Variants in HECTD4 observed in about 807,000 individuals in gnomAD.
The protein encoded by HECTD4 is HECT domain E3 ubiquitin protein ligase 4.
A neutral mutation model predicts 471.5 loss-of-function variants in HECTD4; 114 were observed. The observed-to-expected ratio is 0.24, with a 90% CI of 0.21 to 0.28. HECTD4 has a LOEUF of 0.28. Among genes scored for constraint, HECTD4 ranks in the 10% least tolerant of loss-of-function variants. The probability of loss-of-function intolerance (pLI) is 1.00; values close to 1 mark genes in which losing one functional copy is unlikely to be tolerated. For synonymous variants in HECTD4, 2,012 were observed against 2,256.0 expected, an observed-to-expected ratio of 0.89 and a Z score of 3.07; for missense variants, 3,866 against 5,651.5, an observed-to-expected ratio of 0.68 and a Z score of 10.13.
intron 34 of HECTD4, 66 bp from the exon 35 acceptor site, chr12:112,237,164 G>A (rs1230725783): frequency 2.8e-6 from 4 of 1,427,614 alleles, no homozygotes; most frequent in Non-Finnish European, 3.7e-6. Context: ...TGAGCCTGAG[G>A]GGGCGGCGAG....
Position 112,194,834 on chromosome 12 carries a change from C to T in HECTD4, c.8749+51G>A, listed in dbSNP as rs368707794. The T allele has an allele frequency of 2.1e-5, 32 of 1,512,862 alleles. No individual in the cohort carries two copies. Among genetic ancestry groups the T allele is most frequent in the African/African-American group, 1.4e-4 (10 of 72,670 alleles). The allele number at this position is 1,512,862 out of a possible 1,614,324, so 93.7% of individuals were successfully genotyped here. A position where few individuals can be genotyped will look rare whatever the true frequency, so the allele number is the denominator to read the frequency against. On this transcript the variant is annotated intron_variant, in intron 56 of 75. Coordinates refer to ENST00000682272, the MANE Select transcript of HECTD4 (RefSeq NM_001388303.1). The surrounding 1 kb of genome is among the most constrained non-coding windows in gnomAD (Gnocchi z 4.6). ...CAGGGAATGACTACACTGTGCACAG[C>T]GCCCGCCTGGTGCTAAGTTCCAGAG...
chr12:112,271,683 T>C (rs2034415969), intron 11 of HECTD4, among the ~76,000 whole-genome samples: 1 of 152,212 alleles, frequency 6.6e-6, no homozygotes. Flanking sequence ...GTTTGCTGCT[T>C]TCTTCTCCCA....
chr12:112,246,502 C>T (rs1294283014), intron 29 of HECTD4, among the ~76,000 whole-genome samples: 3 of 152,012 alleles, frequency 2.0e-5, no homozygotes, highest in Admixed American at 6.6e-5. Context: ...GGCATGGTGG[C>T]ATGCGCCTGT....
At chr12:112,349,388 C>CAACA (rs2036211857) in intron 1 of HECTD4, among the ~76,000 whole-genome samples, 1 of 54,718 alleles carries the variant, frequency 1.8e-5, no homozygotes, top group Admixed American at 2.3e-4. Context: ...ACTCTTGCTC[C>CAACA]AAAAAAAAAA....
At chr12:112,378,343 C>T (rs1245154339) in intron 1 of HECTD4, among the ~76,000 whole-genome samples, 5 of 151,982 alleles carry the variant, frequency 3.3e-5, no homozygotes, top group Non-Finnish European at 5.9e-5. Flanking sequence ...CTCAGCCTCC[C>T]GAGTAGCTGG....
chr12:112,282,106 A>G (rs942007565), intron 8 of HECTD4, among the ~76,000 whole-genome samples: 7 of 152,152 alleles, frequency 4.6e-5, no homozygotes, highest in African/African-American at 1.7e-4. Flanking sequence ...CAGAACAGCC[A>G]GGCGCGGTGG....
Position 112,313,017 on chromosome 12 carries a change from C to T in HECTD4, c.916G>A (p.Asp306Asn). ...CACAGGACAAAAACTTTTACATTACCTTTATTTTCAGAACTGGAGCCAGTG... is the reference window on the plus strand; with the variant it reads ...CACAGGACAAAAACTTTTACATTACTTTTATTTTCAGAACTGGAGCCAGTG... ...SNTGSSSENK[D>N]ADLGRCLTAD... The change falls in exon 4 of 76, where the codon GAT (aspartate) becomes AAT (asparagine). Residue 306 changes from aspartate to asparagine, a missense_variant and splice_region_variant. Asp to Asn is a conservative substitution (Grantham distance 23). This residue lies in a region of HECTD4 where 440 missense variants were observed against 636.0 expected (regional missense o/e 0.69). Transcript: ENST00000682272. 6 of 1,534,918 alleles carry T rather than the reference C, an allele frequency of 3.9e-6. No individual in the cohort carries two copies. Among genetic ancestry groups the T allele is most frequent in the Non-Finnish European group, 5.2e-6 (6 of 1,146,450 alleles).
chr12:112,368,137 G>T, intron 1 of HECTD4, among the ~76,000 whole-genome samples: 1 of 152,132 alleles, frequency 6.6e-6, no homozygotes, highest in East Asian at 1.9e-4. Context: ...ATCTAAAATT[G>T]CTACACACTG....
intron 54 of HECTD4, chr12:112,201,413 T>A (rs1018024352): frequency 6.4e-6 from 1 of 156,920 alleles, no homozygotes; most frequent in Non-Finnish European, 1.4e-5. Context: ...AGATTTTAAA[T>A]GAATTCTTAA....
chr12:112,288,871 C>G (rs1466211084), intron 7 of HECTD4, among the ~76,000 whole-genome samples: 1 of 152,146 alleles, frequency 6.6e-6, no homozygotes, highest in Non-Finnish European at 1.5e-5. Context: ...AGAAGAACCA[C>G]CCAGCTGAGC....
Position 112,162,650 on chromosome 12 carries a change from A to G in HECTD4, c.13121-127T>C. 1.8e-6 allele frequency: 2 copies of G among 1,139,914 alleles called. No individual in the cohort carries two copies. Among genetic ancestry groups the G allele is most frequent in the Non-Finnish European group, 2.5e-6 (2 of 798,020 alleles). The allele number at this position is 1,139,914 out of a possible 1,614,324, so 70.6% of individuals were successfully genotyped here. A position where few individuals can be genotyped will look rare whatever the true frequency, so the allele number is the denominator to read the frequency against. Reference sequence around the variant, plus strand: ...CCCCAAGCCAATCCTGGGGCCCAGCAGGAGGGGGATGAGGGCCTGGGAACC... The same window carrying G: ...CCCCAAGCCAATCCTGGGGCCCAGCGGGAGGGGGATGAGGGCCTGGGAACC... On this transcript the variant is annotated intron_variant, in intron 75 of 75. Coordinates refer to ENST00000682272, the MANE Select transcript of HECTD4 (RefSeq NM_001388303.1). This position sits in a 1 kb window ranked among gnomAD's most constrained non-coding sequence, Gnocchi z 5.2.
chr12:112,312,409 G>T, intron 4 of HECTD4, among the ~76,000 whole-genome samples: 1 of 152,176 alleles, frequency 6.6e-6, no homozygotes, highest in East Asian at 1.9e-4. Flanking sequence ...CAGGGCAGCA[G>T]CCTAGACATT....
In HECTD4 at chr12:112,270,412, C is replaced by A. The variant is rs762098805; in HGVS notation, c.1990G>T (p.Val664Phe). The change falls in exon 12 of 76, where the codon GTT becomes TTT. Residue 664 changes from valine (V) to phenylalanine (F), a missense_variant. Physicochemically the swap from Val to Phe is conservative, Grantham distance 50. Around this residue, in one of 16 missense-constraint regions of HECTD4, gnomAD observed 525 missense variants for 672.6 expected, o/e 0.78. Transcript: ENST00000682272. ...AGTTGGTGTATGCACATCGCACCAA[C>A]GTGGTGCAATAATTGGTTTATAACC... ...NEVINQLLHH[V>F]GAMCIHQLNL... 6.2e-7 allele frequency: 1 copy of A among 1,613,968 alleles called. No individual in the cohort carries two copies. Among genetic ancestry groups the A allele is most frequent in the Admixed American group, 1.7e-5 (1 of 60,022 alleles).
In HECTD4 at chr12:112,382,158, G is replaced by A; in HGVS notation, c.-30C>T. 1.6e-6 allele frequency: 2 copies of A among 1,216,020 alleles called. No individual in the cohort carries two copies. Among genetic ancestry groups the A allele is most frequent in the Non-Finnish European group, 2.0e-6 (2 of 978,752 alleles). The allele number at this position is 1,216,020 out of a possible 1,614,324, so 75.3% of individuals were successfully genotyped here. A position where few individuals can be genotyped will look rare whatever the true frequency, so the allele number is the denominator to read the frequency against. On this transcript the variant is annotated 5_prime_UTR_variant, in exon 1 of 76. Transcript: ENST00000682272. Reference sequence around the variant, plus strand: ...CCGGCTGAAGGCTTGGCGCTGAGGAGCAGACGCCCGGCCGGGGGAAACGGA... The same window carrying A: ...CCGGCTGAAGGCTTGGCGCTGAGGAACAGACGCCCGGCCGGGGGAAACGGA...
At chr12:112,289,835 C>T (rs2034838817) in intron 7 of HECTD4, among the ~76,000 whole-genome samples, 1 of 152,024 alleles carries the variant, frequency 6.6e-6, no homozygotes, top group African/African-American at 2.4e-5. Flanking sequence ...TACCACCACG[C>T]CCAGCTAATT....
At position 112,167,838 on chromosome 12, in the gene HECTD4, G is replaced by C; in HGVS notation, c.12288C>G (p.Pro4096=). ...CCTTGTTCTTATTGACAGCTGAGCT[G>C]GGGCACAGCAGCAGCAGCGACAGCG... The part of the protein sequence containing the change: ...SSSLSLLLLC[P]SSAVNKNKGK... Residue 4096 remains proline (P), a synonymous_variant, in exon 71 of 76, where the codon CCC becomes CCG. Coordinates refer to ENST00000682272, the MANE Select transcript of HECTD4 (RefSeq NM_001388303.1). The C allele has an allele frequency of 6.2e-7, 1 of 1,613,566 alleles. No individual in the cohort carries two copies. The highest frequency in any genetic ancestry group is 8.5e-7 in the Non-Finnish European group (1 of 1,179,692).
chr12:112,321,635 A>G (rs899244942), intron 1 of HECTD4: 1 of 152,182 alleles, frequency 6.6e-6, no homozygotes, highest in Non-Finnish European at 1.5e-5. Context: ...TTTATCTCAA[A>G]TTTTGCCTTT....
intron 1 of HECTD4, among the ~76,000 whole-genome samples, chr12:112,354,314 G>T (rs1566121901): frequency 6.6e-6 from 1 of 151,934 alleles, no homozygotes; most frequent in African/African-American, 2.4e-5. Flanking sequence ...CCTGCCTAGG[G>T]CTCCCAAAGT....
intron 7 of HECTD4, chr12:112,301,746 C>T (rs1308732930): frequency 1.1e-5 from 5 of 461,126 alleles, no homozygotes; most frequent in Non-Finnish European, 1.9e-5. Flanking sequence ...CTTCACATAT[C>T]TCACAGAGCA....
Sources: allele counts gnomAD v4.1 joint callset (sites outside exome capture counted in the v4.1 genomes callset), GRCh38; gene constraint gnomAD v4.1.1; regional missense constraint gnomAD v4.1.1; non-coding constraint Gnocchi (gnomAD v3.1); transcripts MANE v1.5; gene names NCBI Gene and HGNC (gene_info 2026-07-23, HGNC 2026-07-21).